SGCD: variants seen among roughly 807,000 people sequenced by gnomAD.
The protein encoded by SGCD is sarcoglycan delta.
SGCD carries 18 observed loss-of-function variants against 36.6 expected under a neutral mutation model. The observed-to-expected ratio is 0.49, with a 90% CI of 0.34 to 0.73. The LOEUF (loss-of-function observed/expected upper bound fraction) is 0.73. Among genes scored for constraint, SGCD ranks in the 30% least tolerant of loss-of-function variants. SGCD has a pLI of 0.01. For missense variants in SGCD, 387 were observed against 346.7 expected (o/e 1.12, Z -0.92); for synonymous variants, 133 against 130.6 (o/e 1.02, Z -0.12).
At chr5:156,363,227 AC>A (rs1177482083) in intron 3 of SGCD, among the ~76,000 whole-genome samples, 1 of 152,152 alleles carries the variant, frequency 6.6e-6, no homozygotes, top group Non-Finnish European at 1.5e-5. Context: ...TTCACTACTG[AC>A]CTCTAAATGT....
the SGCD span, among the ~76,000 whole-genome samples, chr5:155,808,721 A>C: frequency 6.6e-6 from 1 of 152,358 alleles, no homozygotes; most frequent in East Asian, 1.9e-4. Context: ...ACTCTTGAAC[A>C]AGTCAAACCT....
At chr5:156,427,025 G>A (rs1773702599) in intron 3 of SGCD, among the ~76,000 whole-genome samples, 1 of 151,952 alleles carries the variant, frequency 6.6e-6, no homozygotes, top group South Asian at 2.1e-4. Flanking sequence ...TGGCTATGTG[G>A]GCTCCTCTGT....
chr5:156,563,351 A>C (rs933448309), intron 4 of SGCD, among the ~76,000 whole-genome samples: 1 of 152,126 alleles, frequency 6.6e-6, no homozygotes, highest in Non-Finnish European at 1.5e-5. Context: ...AGATAGGTAT[A>C]ATCATTAACA....
rs377322180 is a variant in SGCD at position 156,594,814 on chromosome 5, G to C, written c.383-118G>C. 42 of 662,092 alleles carry C rather than the reference G, an allele frequency of 6.3e-5. 1 individual carries two copies. The South Asian group carries it at 7.9e-4, about 13-fold the overall frequency. The allele number at this position is 662,092 out of a possible 1,614,324, so 41.0% of individuals were successfully genotyped here. On this transcript the variant is annotated intron_variant, in intron 5 of 8. Coordinates refer to ENST00000337851, the MANE Select transcript of SGCD (RefSeq NM_000337.6). ...GAACATTGAAGTCTCATACAATCTT[G>C]TTAGATATGTGTGTTCTATGAAAAG... is the stretch of plus-strand genomic sequence containing the variant.
At chr5:156,672,270 T>C (rs2113660835) in intron 7 of SGCD, among the ~76,000 whole-genome samples, 1 of 152,300 alleles carries the variant, frequency 6.6e-6, no homozygotes, top group South Asian at 2.1e-4. Context: ...AATTCCATTT[T>C]TAGTCCAGCA....
At chr5:156,653,492 G>GTTTTTTTTTTTTTTTTTTTTT (rs1561839559) in intron 7 of SGCD, among the ~76,000 whole-genome samples, 2 of 5,836 alleles carry the variant, frequency 3.4e-4, no homozygotes, top group Non-Finnish European at 6.1e-4. Context: ...TCTAAAGCTT[G>GTTTTTTTTTTTTTTTTTTTTT]CTTTTTTTTT....
chr5:156,472,125 A>G (rs1162931068), intron 3 of SGCD, among the ~76,000 whole-genome samples: 1 of 152,198 alleles, frequency 6.6e-6, no homozygotes, highest in Non-Finnish European at 1.5e-5. Flanking sequence ...TGAGGATATG[A>G]AGTAACTGAA....
chr5:155,970,782 A>C (rs558961739), intron 1 of SGCD, among the ~76,000 whole-genome samples: 1 of 152,298 alleles, frequency 6.6e-6, no homozygotes, highest in Admixed American at 6.5e-5. Flanking sequence ...TTTCCATTTT[A>C]CAGATAGTAA....
At chr5:156,181,363 A>T (rs553167918) in intron 3 of SGCD, among the ~76,000 whole-genome samples, 4 of 152,208 alleles carry the variant, frequency 2.6e-5, no homozygotes, top group Non-Finnish European at 5.9e-5. Flanking sequence ...GGACTAAAAA[A>T]CTTGCTATCA....
chr5:156,458,706 C>T (rs558164021), intron 3 of SGCD, among the ~76,000 whole-genome samples: 26 of 152,312 alleles, frequency 1.7e-4, no homozygotes, highest in African/African-American at 6.0e-4. Flanking sequence ...TTGTTAAGAG[C>T]TCACTCATGA....
intron 3 of SGCD, among the ~76,000 whole-genome samples, chr5:156,231,019 G>T (rs999911821): frequency 1.3e-5 from 2 of 152,082 alleles, no homozygotes; most frequent in Non-Finnish European, 2.9e-5. Flanking sequence ...TACAAGGAGG[G>T]TTGTTTCAAA....
chr5:156,298,015 A>C (rs1427257758), intron 3 of SGCD, among the ~76,000 whole-genome samples: 2 of 152,068 alleles, frequency 1.3e-5, no homozygotes, highest in African/African-American at 4.8e-5. Context: ...AGCTTGCCCA[A>C]ATGAGTGAAA....
Position 156,747,236 on chromosome 5 carries a change from A to AT in SGCD, c.576-10344dup, listed in dbSNP as rs536227507. On this transcript the variant is annotated intron_variant, in intron 7 of 8. Transcript: ENST00000337851. ...GATAGGAATGTAAAACTGCAAAACT[A>AT]TCCTGGAAAACAGTTTGACAATTTC... Among the ~76,000 whole-genome samples the AT allele has an allele frequency of 6.7e-3, 1,027 of 152,336 alleles. 5 individuals are homozygous for AT. Among genetic ancestry groups the AT allele is most frequent in the Non-Finnish European group, 0.012 (783 of 68,030 alleles).
intron 1 of SGCD, among the ~76,000 whole-genome samples, chr5:155,906,358 AGTTGCAT>A (rs1756512516): frequency 6.6e-6 from 1 of 152,138 alleles, no homozygotes; most frequent in Admixed American, 6.6e-5. Flanking sequence ...AATGAAAGAG[AGTTGCAT>A]GTCTCACATT....
At chr5:155,911,795 TA>T (rs1756635249) in intron 1 of SGCD, among the ~76,000 whole-genome samples, 1 of 151,964 alleles carries the variant, frequency 6.6e-6, no homozygotes, top group African/African-American at 2.4e-5. Flanking sequence ...CATGAAAAAA[TA>T]GAGGATGGCC....
At chr5:155,744,781 T>C in the SGCD span, among the ~76,000 whole-genome samples, 5 of 152,180 alleles carry the variant, frequency 3.3e-5, no homozygotes, top group Non-Finnish European at 5.9e-5. Context: ...TGTTCGATGT[T>C]TAATCAGAAT....
chr5:156,423,465 TA>T (rs1283488905), intron 3 of SGCD, among the ~76,000 whole-genome samples: 17 of 110,232 alleles, frequency 1.5e-4, no homozygotes, highest in Non-Finnish European at 3.2e-4. Flanking sequence ...ATATATTAAT[TA>T]AATAATAATT....
At chr5:155,841,271 A>G in the SGCD span, among the ~76,000 whole-genome samples, 3 of 152,146 alleles carry the variant, frequency 2.0e-5, no homozygotes, top group African/African-American at 4.8e-5. Flanking sequence ...AACCATTTTT[A>G]TGGTTGGATT....
chr5:156,186,897 A>G lies in SGCD; in HGVS notation c.-44+62878A>G, dbSNP rs139108326. Among the ~76,000 whole-genome samples the G allele has an allele frequency of 8.7e-4, 132 of 152,300 alleles. 1 individual carries two copies. The highest frequency in any genetic ancestry group is 1.6e-3 in the Non-Finnish European group (108 of 68,038). ...CCTTTTACTCATCCAAAGTTTTCCC[A>G]AGTCAATGGCCTTTACTCATGAGTA... On this transcript the variant is annotated intron_variant, in intron 3 of 9. Coordinates refer to the SGCD transcript ENST00000517913.
Sources: allele counts gnomAD v4.1 joint callset (sites outside exome capture counted in the v4.1 genomes callset), GRCh38; gene constraint gnomAD v4.1.1; transcripts MANE v1.5; gene names NCBI Gene and HGNC (gene_info 2026-07-23, HGNC 2026-07-21).